TOX: variants seen among roughly 807,000 people sequenced by gnomAD.
TOX encodes thymocyte selection-associated high mobility group box protein TOX.
In TOX, 11 loss-of-function variants were observed where a neutral mutation model predicts 53.7. The ratio of observed to expected loss-of-function variants is 0.20; its 90% CI spans 0.13 to 0.34. The LOEUF is 0.34. Among genes scored for constraint, TOX ranks in the 10% least tolerant of loss-of-function variants. The pLI, the probability that TOX is intolerant of heterozygous loss-of-function variation, is 1.00. For synonymous variants in TOX, 225 were observed against 245.3 expected (o/e 0.92, Z 0.77); for missense variants, 570 against 664.6 (o/e 0.86, Z 1.56).
At position 59,073,896 on chromosome 8, in the gene TOX, G is replaced by A. The variant is rs117032625; in HGVS notation, c.102+44990C>T. ...ATAGCATGGGTCCAGTGTGACTTGCGGATATTACGAAAAACAAAGCATTAC... is the reference window on the plus strand; with the variant it reads ...ATAGCATGGGTCCAGTGTGACTTGCAGATATTACGAAAAACAAAGCATTAC... On this transcript the variant is annotated intron_variant, in intron 1 of 8. Coordinates refer to ENST00000361421, the MANE Select transcript of TOX (RefSeq NM_014729.3). Among the ~76,000 whole-genome samples, 108 of 152,128 alleles carry A rather than the reference G, an allele frequency of 7.1e-4. 2 individuals carry two copies. Among genetic ancestry groups the A allele is most frequent in the Admixed American group, 3.9e-4 (6 of 15,276 alleles).
At chr8:58,843,589 T>C (rs555697138) in intron 4 of TOX, among the ~76,000 whole-genome samples, 1 of 152,324 alleles carries the variant, frequency 6.6e-6, no homozygotes, top group African/African-American at 2.4e-5. Flanking sequence ...ATAAATGCAA[T>C]AGAATGGAAT....
At position 58,851,387 on chromosome 8, in the gene TOX, A is replaced by G. The variant is rs1223731378; in HGVS notation, c.693+137T>C. On this transcript the variant is annotated intron_variant, in intron 4 of 8. Coordinates refer to ENST00000361421, the MANE Select transcript of TOX (RefSeq NM_014729.3). This position sits in a 1 kb window ranked among gnomAD's most constrained non-coding sequence, Gnocchi z 4.4. Reference sequence around the variant, plus strand: ...GGTGGTTTAATCCAGTATGTTTGTAACCTCATGCTTCATTAACAAAGCAGG... The same window carrying G: ...GGTGGTTTAATCCAGTATGTTTGTAGCCTCATGCTTCATTAACAAAGCAGG... The G allele has an allele frequency of 1.1e-5, 11 of 969,212 alleles. No homozygotes were observed. Among genetic ancestry groups the G allele is most frequent in the Non-Finnish European group, 1.5e-5 (10 of 662,176 alleles). 60.0% of individuals were successfully genotyped at this position (969,212 alleles called of 1,614,324 possible).
At chr8:58,891,927 T>A (rs1222255572) in intron 3 of TOX, among the ~76,000 whole-genome samples, 1 of 152,182 alleles carries the variant, frequency 6.6e-6, no homozygotes, top group Non-Finnish European at 1.5e-5. Context: ...ATTTACACAT[T>A]TTGGTCAGCT....
chr8:58,817,457 G>A (rs1237455578), intron 6 of TOX, among the ~76,000 whole-genome samples: 1 of 151,438 alleles, frequency 6.6e-6, no homozygotes, highest in Admixed American at 6.6e-5. Flanking sequence ...TTGTTGATGT[G>A]CAAAATAGTT....
rs777162483 is a variant in TOX, at chr8:58,808,178, G to A, written c.1484C>T (p.Ser495Leu). The change falls in exon 8 of 9, where the codon TCG (serine) becomes TTG (leucine). Residue 495 changes from serine to leucine, a missense_variant. Coordinates refer to ENST00000361421, the MANE Select transcript of TOX (RefSeq NM_014729.3). The part of the protein sequence containing the change: ...VVTQAMEYVR[S>L]GCRNPPPQPV... ...TTGTGGGGGAGGATTTCTGCACCCC[G>A]AACGCACATACTCCATTGCCTGGGT... is the stretch of plus-strand genomic sequence containing the variant. 2 of 1,614,120 alleles carry A rather than the reference G, an allele frequency of 1.2e-6. No individual in the cohort carries two copies. Among genetic ancestry groups the A allele is most frequent in the Non-Finnish European group, 1.7e-6 (2 of 1,180,000 alleles).
At chr8:59,098,059 T>G (rs529151874) in intron 1 of TOX, among the ~76,000 whole-genome samples, 1 of 150,440 alleles carries the variant, frequency 6.6e-6, no homozygotes, top group African/African-American at 2.5e-5. Context: ...TTGCAACTCA[T>G]GTTAAAAAAA....
At chr8:58,828,678 C>T (rs1010188860) in intron 5 of TOX, among the ~76,000 whole-genome samples, 1 of 151,936 alleles carries the variant, frequency 6.6e-6, no homozygotes, top group African/African-American at 2.4e-5. Context: ...AGCCTTGGTG[C>T]AGCCATGAAA....
chr8:58,860,112 T>G (rs1233748466), intron 3 of TOX, among the ~76,000 whole-genome samples: 1 of 152,170 alleles, frequency 6.6e-6, no homozygotes, highest in African/African-American at 2.4e-5. Flanking sequence ...TTATTCGATT[T>G]TTTTCCTTTC....
chr8:59,085,979 C>CTTTTTTTTT (rs35593177), intron 1 of TOX, among the ~76,000 whole-genome samples: 14 of 88,822 alleles, frequency 1.6e-4, no homozygotes, highest in Non-Finnish European at 2.7e-4. Context: ...CTTTTCTTTT[C>CTTTTTTTTT]TTTTTTTTTT....
chr8:58,926,341 A>G (rs1369080435), intron 3 of TOX, among the ~76,000 whole-genome samples: 2 of 152,132 alleles, frequency 1.3e-5, no homozygotes, highest in Non-Finnish European at 2.9e-5. Context: ...CCCTGAGCCC[A>G]TGGGGGGACA....
intron 1 of TOX, among the ~76,000 whole-genome samples, chr8:58,998,656 G>A (rs1023575224): frequency 3.7e-5 from 2 of 54,634 alleles, no homozygotes; most frequent in Non-Finnish European, 8.7e-5. Context: ...ATTTATATAT[G>A]TATGGTAAGA....
intron 3 of TOX, among the ~76,000 whole-genome samples, chr8:58,875,075 T>G (rs1045785622): frequency 1.3e-5 from 2 of 152,184 alleles, no homozygotes; most frequent in African/African-American, 4.8e-5. Flanking sequence ...AGCAAGGACA[T>G]AGAAGACCTC....
chr8:58,977,345 A>T (rs1813120432), intron 1 of TOX, among the ~76,000 whole-genome samples: 1 of 152,194 alleles, frequency 6.6e-6, no homozygotes, highest in Non-Finnish European at 1.5e-5. Flanking sequence ...AGAATTGAAG[A>T]GAGGTAAGGC....
At chr8:59,012,629 A>G (rs1336277659) in intron 1 of TOX, among the ~76,000 whole-genome samples, 1 of 152,220 alleles carries the variant, frequency 6.6e-6, no homozygotes, top group Non-Finnish European at 1.5e-5. Context: ...ATTATAACTA[A>G]TGGTATAAAA....
intron 1 of TOX, among the ~76,000 whole-genome samples, chr8:59,100,031 C>CT (rs199603479): frequency 5.8e-4 from 86 of 148,502 alleles, no homozygotes; most frequent in African/African-American, 1.4e-3. Context: ...AGAATTGCAT[C>CT]TTTTTTTTTT....
chr8:59,116,448 C>A (rs1043097195), intron 1 of TOX, among the ~76,000 whole-genome samples: 1 of 152,160 alleles, frequency 6.6e-6, no homozygotes, highest in Non-Finnish European at 1.5e-5. Flanking sequence ...CATGTCATTG[C>A]AAAAACAAAT....
rs752039074 is a variant in TOX, at chr8:59,119,029, T to TA, written c.-43dup. 109 of 1,431,466 alleles carry TA rather than the reference T, an allele frequency of 7.6e-5. 1 individual carries two copies. The highest frequency in any genetic ancestry group is 5.4e-4 in the East Asian group (22 of 40,552). 88.7% of individuals were successfully genotyped at this position (1,431,466 alleles called of 1,614,324 possible). ...GCAACTCCTTTTCTTTTTCCTTTTT[T>TA]AAAAAAAAGTGTTCAGCAAAACAAG... On this transcript the variant is annotated 5_prime_UTR_variant, in exon 1 of 9. Coordinates refer to ENST00000361421, the MANE Select transcript of TOX (RefSeq NM_014729.3).
intron 1 of TOX, among the ~76,000 whole-genome samples, chr8:59,099,288 G>A (rs1202379796): frequency 6.6e-6 from 1 of 152,098 alleles, no homozygotes; most frequent in Non-Finnish European, 1.5e-5. Context: ...ACATCATTTG[G>A]TTAGTTCTGT....
intron 3 of TOX, among the ~76,000 whole-genome samples, chr8:58,863,030 T>C (rs984779280): frequency 6.6e-6 from 1 of 152,128 alleles, no homozygotes; most frequent in East Asian, 1.9e-4. Context: ...ATTTGAATTA[T>C]CTATCATTTA....
Sources: allele counts gnomAD v4.1 joint callset (sites outside exome capture counted in the v4.1 genomes callset), GRCh38; gene constraint gnomAD v4.1.1; non-coding constraint Gnocchi (gnomAD v3.1); transcripts MANE v1.5; gene names NCBI Gene and HGNC (gene_info 2026-07-23, HGNC 2026-07-21).